CLEC2L: variants seen among roughly 807,000 people sequenced by gnomAD.
CLEC2L encodes the protein C-type lectin domain family 2, member L.
CLEC2L carries 14 observed loss-of-function variants against 23.6 expected under a neutral mutation model. The ratio of observed to expected loss-of-function variants is 0.59; its 90% CI spans 0.39 to 0.93. The LOEUF is 0.93. Ranked by LOEUF, CLEC2L falls within the 40% of genes least tolerant of loss-of-function variation. CLEC2L has a pLI of 0.00. For synonymous variants in CLEC2L, 114 were observed against 121.3 expected, an observed-to-expected ratio of 0.94 and a Z score of 0.40; for missense variants, 264 against 282.4, an observed-to-expected ratio of 0.93 and a Z score of 0.47.
Position 139,536,273 on chromosome 7 carries a change from G to A in CLEC2L, c.191-1G>A. ...TGTTGAACCCCTCTCTCTTCTCCTA[G>A]ACACCACCACACGCCTCCTGCTGGG... On this transcript the variant is annotated splice_acceptor_variant, in intron 1 of 4. Coordinates refer to ENST00000422142, the MANE Select transcript of CLEC2L (RefSeq NM_001080511.4). LOFTEE classifies it high-confidence loss of function. The A allele has an allele frequency of 1.3e-6, 2 of 1,551,286 alleles. No individual in the cohort carries two copies. The highest frequency in any genetic ancestry group is 1.2e-5 in the South Asian group (1 of 84,046).
chr7:139,534,146 A>C (rs910215811), intron 1 of CLEC2L: 3 of 658,522 alleles, frequency 4.6e-6, no homozygotes, highest in Non-Finnish European at 8.3e-6. Context: ...AGAATGTAAA[A>C]TTATGCAACC....
chr7:139,543,031 C>T (rs2116329990), intron 4 of CLEC2L, among the ~76,000 whole-genome samples: 1 of 152,198 alleles, frequency 6.6e-6, no homozygotes, highest in East Asian at 1.9e-4. Flanking sequence ...GCGTGAACGT[C>T]CCCAAGGCAG....
intron 1 of CLEC2L, among the ~76,000 whole-genome samples, chr7:139,530,469 G>C (rs995042781): frequency 1.3e-5 from 2 of 152,090 alleles, no homozygotes; most frequent in African/African-American, 2.4e-5. Flanking sequence ...TTCCCATTCT[G>C]TACAGATTCT....
intron 3 of CLEC2L, among the ~76,000 whole-genome samples, chr7:139,541,157 C>A (rs1350292758): frequency 6.6e-6 from 1 of 152,042 alleles, no homozygotes; most frequent in Non-Finnish European, 1.5e-5. Context: ...TGCAGCTGTG[C>A]ACCACCATGC....
At chr7:139,529,307 A>T (rs140409602) in intron 1 of CLEC2L, among the ~76,000 whole-genome samples, 1 of 152,330 alleles carries the variant, frequency 6.6e-6, no homozygotes, top group African/African-American at 2.4e-5. Context: ...CATTTTCAAG[A>T]TGAGGAAAAT....
At chr7:139,531,929 A>G (rs927061256) in intron 1 of CLEC2L, among the ~76,000 whole-genome samples, 3 of 152,026 alleles carry the variant, frequency 2.0e-5, no homozygotes, top group Non-Finnish European at 4.4e-5. Flanking sequence ...AAGAAAAAGA[A>G]AAAGAAAAAA....
At chr7:139,542,268 C>T (rs1021560824) in intron 4 of CLEC2L, 147 bp downstream of exon 4, 5 of 594,830 alleles carry the variant, frequency 8.4e-6, no homozygotes, top group African/African-American at 1.9e-5. Context: ...GCGCCAGAGA[C>T]CCAGCCATGA....
chr7:139,540,564 A>G lies in CLEC2L; in HGVS notation c.432+77A>G, dbSNP rs1424698763. The stretch of plus-strand genomic sequence containing the variant: ...AACCTTGACTCTAGGGGACAGCCAC[A>G]CAGTAAAGGATGCAGTGTTCCCTGT... On this transcript the variant is annotated intron_variant, in intron 3 of 4. Coordinates refer to ENST00000422142, the MANE Select transcript of CLEC2L (RefSeq NM_001080511.4). This position sits in a 1 kb window ranked among gnomAD's most constrained non-coding sequence, Gnocchi z 5.8. 2 of 1,489,932 alleles carry G rather than the reference A, an allele frequency of 1.3e-6. No homozygotes were observed. The highest frequency in any genetic ancestry group is 2.8e-5 in the African/African-American group (2 of 71,664). 92.3% of individuals were successfully genotyped at this position (1,489,932 alleles called of 1,614,324 possible).
chr7:139,536,053 C>T (rs943005366), intron 1 of CLEC2L, among the ~76,000 whole-genome samples: 1 of 152,176 alleles, frequency 6.6e-6, no homozygotes, highest in African/African-American at 2.4e-5. Flanking sequence ...GCCTGTAATC[C>T]CAGCACTTTG....
Position 139,523,873 on chromosome 7 carries a change from C to T in CLEC2L, c.-55C>T. ...CGCGGAGCGCCGAGTGCGCGTCGGG[C>T]TGGGCCCCGCACCCCGGTGCAGGAG... On this transcript the variant is annotated 5_prime_UTR_variant, in exon 1 of 5. Transcript: ENST00000422142. This position sits in a 1 kb window ranked among gnomAD's most constrained non-coding sequence, Gnocchi z 4.1. The T allele has an allele frequency of 1.0e-6, 1 of 975,748 alleles. No homozygotes were observed. Among genetic ancestry groups the T allele is most frequent in the Non-Finnish European group, 1.2e-6 (1 of 824,144 alleles). 60.4% of individuals were successfully genotyped at this position (975,748 alleles called of 1,614,324 possible).
intron 1 of CLEC2L, among the ~76,000 whole-genome samples, chr7:139,524,768 C>CG (rs1385742879): frequency 6.6e-6 from 1 of 152,098 alleles, no homozygotes; most frequent in Non-Finnish European, 1.5e-5. Context: ...CTACCGCCGG[C>CG]GGCGTGTGGT....
intron 1 of CLEC2L, among the ~76,000 whole-genome samples, chr7:139,527,654 CTGGCATT>C (rs1183563233): frequency 6.6e-6 from 1 of 152,164 alleles, no homozygotes; most frequent in African/African-American, 2.4e-5. Flanking sequence ...GGGCATATTT[CTGGCATT>C]GAGAGTGGCA....
At chr7:139,528,582 G>T (rs1478311740) in intron 1 of CLEC2L, among the ~76,000 whole-genome samples, 9 of 152,124 alleles carry the variant, frequency 5.9e-5, no homozygotes, top group African/African-American at 1.7e-4. Flanking sequence ...AGCATGATTT[G>T]GGAAAAACCT....
chr7:139,544,149 G>A, intron 4 of CLEC2L, 82 bp from the exon 5 acceptor site: 1 of 944,320 alleles, frequency 1.1e-6, no homozygotes. Flanking sequence ...TAGGTCACAG[G>A]GCCTCCATGG....
intron 1 of CLEC2L, among the ~76,000 whole-genome samples, chr7:139,526,173 G>T (rs1267311447): frequency 6.6e-6 from 1 of 152,162 alleles, no homozygotes; most frequent in African/African-American, 2.4e-5. Context: ...CCAGTTCTCT[G>T]AAGGTCTTCT....
rs1797720220 is a variant in CLEC2L, at chr7:139,540,537, C to G, written c.432+50C>G. On this transcript the variant is annotated intron_variant, in intron 3 of 4. Coordinates refer to ENST00000422142, the MANE Select transcript of CLEC2L (RefSeq NM_001080511.4). The surrounding 1 kb of genome is among the most constrained non-coding windows in gnomAD (Gnocchi z 5.8). ...TTGGGGGAAGGGACCCTCAGGGCCC[C>G]CAACCTTGACTCTAGGGGACAGCCA... 1 of 1,546,602 alleles carries G rather than the reference C, an allele frequency of 6.5e-7. No homozygotes were observed. The highest frequency in any genetic ancestry group is 2.4e-5 in the East Asian group (1 of 41,294).
chr7:139,532,348 G>A (rs1401284306), intron 1 of CLEC2L, among the ~76,000 whole-genome samples: 1 of 152,160 alleles, frequency 6.6e-6, no homozygotes, highest in Non-Finnish European at 1.5e-5. Context: ...ATTGGATGAT[G>A]TGCTTCACCA....
rs1022196914 is a variant in CLEC2L, at chr7:139,523,994, C to CCCGCCCCCG, written c.76_84dup (p.Ala26_Pro28dup). The CCCGCCCCCG allele has an allele frequency of 1.2e-5, 12 of 1,028,718 alleles. No individual in the cohort carries two copies. Among genetic ancestry groups the CCCGCCCCCG allele is most frequent in the Non-Finnish European group, 1.2e-5 (10 of 857,556 alleles). 63.7% of individuals were successfully genotyped at this position (1,028,718 alleles called of 1,614,324 possible). A position where few individuals can be genotyped will look rare whatever the true frequency, so the allele number is the denominator to read the frequency against. On this transcript the variant is annotated inframe_insertion, in exon 1 of 5. Coordinates refer to ENST00000422142, the MANE Select transcript of CLEC2L (RefSeq NM_001080511.4). This position sits in a 1 kb window ranked among gnomAD's most constrained non-coding sequence, Gnocchi z 4.1. ...GCCGCCCCTCGCCGCGCGCCCCGCG[C>CCCGCCCCCG]CCGCCCCCGCCGCCCCCAGGCCGCG...
chr7:139,534,343 A>G, intron 1 of CLEC2L: 2 of 1,131,402 alleles, frequency 1.8e-6, no homozygotes, highest in South Asian at 2.5e-5. Context: ...CGTTTGTAAA[A>G]TGTATGAAGA....
Sources: gnomAD v4.1 joint callset for allele counts (sites outside exome capture counted in the v4.1 genomes callset) on GRCh38, gnomAD v4.1.1 for gene constraint, Gnocchi (gnomAD v3.1) non-coding constraint, MANE v1.5 for transcripts, NCBI Gene and HGNC (gene_info 2026-07-23, HGNC 2026-07-21) for gene names.